The following FBLN1 variants were observed in gnomAD, a reference collection of about 807,000 sequenced individuals.
The protein encoded by FBLN1 is fibulin-1.
Under a neutral mutation model 89.7 loss-of-function variants are expected in FBLN1, and 34 were observed. The ratio of observed to expected loss-of-function variants is 0.38; its 90% CI spans 0.29 to 0.50. The LOEUF is 0.50. Ranked by LOEUF, FBLN1 falls within the 20% of genes least tolerant of loss-of-function variation. The pLI is 0.92. For synonymous variants in FBLN1, 393 were observed against 391.3 expected (o/e 1.00, Z -0.05); for missense variants, 777 against 988.1 (o/e 0.79, Z 2.86).
chr22:45,564,969 G>A (rs779703998), intron 14 of FBLN1: 1 of 1,614,098 alleles, frequency 6.2e-7, no homozygotes, highest in South Asian at 1.1e-5. Flanking sequence ...GCAGGGGTTG[G>A]AGGATACCCA....
chr22:45,596,897 T>C (rs1055701312), intron 16 of FBLN1, among the ~76,000 whole-genome samples: 9 of 148,504 alleles, frequency 6.1e-5, no homozygotes, highest in Non-Finnish European at 1.3e-4. Flanking sequence ...TATATAAATT[T>C]GACATACTTT....
At chr22:45,507,047 G>C (rs1231386027) in intron 1 of FBLN1, among the ~76,000 whole-genome samples, 1 of 152,180 alleles carries the variant, frequency 6.6e-6, no homozygotes, top group African/African-American at 2.4e-5. Context: ...CAGGGTGGGA[G>C]GGGGGAACCA....
At chr22:45,540,548 G>A (rs2088542103) in intron 8 of FBLN1, among the ~76,000 whole-genome samples, 1 of 152,174 alleles carries the variant, frequency 6.6e-6, no homozygotes, top group Non-Finnish European at 1.5e-5. Flanking sequence ...GTTCTCCAAG[G>A]TGATGTTTAG....
chr22:45,505,006 G>A (rs958243391), intron 1 of FBLN1, among the ~76,000 whole-genome samples: 7 of 152,334 alleles, frequency 4.6e-5, no homozygotes, highest in South Asian at 4.1e-4. Context: ...AAGTGGCACC[G>A]CCCCTGCTCT....
At chr22:45,539,019 CTCTTT>C (rs1351232755) in intron 8 of FBLN1, among the ~76,000 whole-genome samples, 1 of 151,824 alleles carries the variant, frequency 6.6e-6, no homozygotes, top group Non-Finnish European at 1.5e-5. Context: ...GTTTTCTTTG[CTCTTT>C]TCTTCAAATT....
intron 12 of FBLN1, 61 bp downstream of exon 12, chr22:45,547,265 G>A: frequency 6.2e-7 from 1 of 1,604,198 alleles, no homozygotes; most frequent in Non-Finnish European, 8.5e-7. Context: ...TGACACAGCA[G>A]CACGGCCTCT....
In FBLN1 at chr22:45,590,491, G is replaced by C. The variant is rs1189932973; in HGVS notation, c.1973-9816G>C. 6.6e-6 allele frequency among the ~76,000 whole-genome samples: 1 copy of C among 152,194 alleles called. No individual in the cohort carries two copies. The highest frequency in any genetic ancestry group is 1.5e-5 in the Non-Finnish European group (1 of 68,038). On this transcript the variant is annotated intron_variant, in intron 16 of 16. Transcript: ENST00000327858. The surrounding 1 kb of genome is among the most constrained non-coding windows in gnomAD (Gnocchi z 4.1). ...GATGCGTCTCACCTGCTGTGAGCCCGGGTGGGGGTAGGGTGAGAAGAGCCC... is the reference window on the plus strand; with the variant it reads ...GATGCGTCTCACCTGCTGTGAGCCCCGGTGGGGGTAGGGTGAGAAGAGCCC...
In FBLN1 at chr22:45,575,129, C is replaced by T. The variant is rs1319476831; in HGVS notation, c.1840+476C>T. ...TGTGTCTGTGTCCCCCCCACACCCA[C>T]CTGGCACAGCAGCATTTGGCCCATT... is the stretch of plus-strand genomic sequence containing the variant. On this transcript the variant is annotated intron_variant, in intron 15 of 16. Transcript: ENST00000327858. This position sits in a 1 kb window ranked among gnomAD's most constrained non-coding sequence, Gnocchi z 6.3. Among the ~76,000 whole-genome samples the T allele has an allele frequency of 6.6e-6, 1 of 152,154 alleles. No individual in the cohort carries two copies. Among genetic ancestry groups the T allele is most frequent in the East Asian group, 1.9e-4 (1 of 5,186 alleles).
At chr22:45,599,841 C>T (rs577960813) in intron 16 of FBLN1, among the ~76,000 whole-genome samples, 16 of 152,226 alleles carry the variant, frequency 1.1e-4, no homozygotes, top group Non-Finnish European at 1.9e-4. Flanking sequence ...GGCTTGAACC[C>T]GGGAGGTGGA....
At chr22:45,585,606 C>T (rs1226526944) in intron 16 of FBLN1, among the ~76,000 whole-genome samples, 3 of 152,190 alleles carry the variant, frequency 2.0e-5, no homozygotes, top group Non-Finnish European at 2.9e-5. Flanking sequence ...CCTGTCACCC[C>T]GGGGGCCACA....
intron 14 of FBLN1, among the ~76,000 whole-genome samples, chr22:45,568,547 C>T (rs73173333): frequency 0.53 from 49,251 of 93,580 alleles, 15,610 homozygotes; most frequent in Middle Eastern, 0.65. Flanking sequence ...GGGGAATGCT[C>T]CTTCTGTAGG....
intron 1 of FBLN1, among the ~76,000 whole-genome samples, chr22:45,511,803 G>C (rs939779758): frequency 1.3e-5 from 2 of 152,180 alleles, no homozygotes; most frequent in African/African-American, 4.8e-5. Flanking sequence ...CTTAGTAAGG[G>C]AGGGAGCTGG....
intron 16 of FBLN1, among the ~76,000 whole-genome samples, chr22:45,596,030 C>T (rs915339671): frequency 1.1e-4 from 16 of 152,200 alleles, no homozygotes; most frequent in Middle Eastern, 3.4e-3. Context: ...CCACCACGCT[C>T]GGCTAATTTT....
At position 45,550,783 on chromosome 22, in the gene FBLN1, G is replaced by A. The variant is rs551145007; in HGVS notation, c.1697+168G>A. On this transcript the variant is annotated intron_variant, in intron 14 of 16. Transcript: ENST00000327858. The surrounding 1 kb of genome is among the most constrained non-coding windows in gnomAD (Gnocchi z 8.4). ...GGCCCTCAAGCCCCTAAATGCTAGT[G>A]ACACTGGTCTCGGAAAGTCAAGGGG... 7 of 964,654 alleles carry A rather than the reference G, an allele frequency of 7.3e-6. No individual in the cohort carries two copies. The African/African-American group carries it at 9.6e-5, about 13-fold the overall frequency. 59.8% of individuals were successfully genotyped at this position (964,654 alleles called of 1,614,324 possible).
Position 45,562,934 on chromosome 22 carries a change from C to A in FBLN1, c.1698-11577C>A. The A allele has an allele frequency of 6.2e-7, 1 of 1,614,102 alleles. No individual in the cohort carries two copies. The highest frequency in any genetic ancestry group is 8.5e-7 in the Non-Finnish European group (1 of 1,180,024). On this transcript the variant is annotated intron_variant, in intron 14 of 16. Transcript: ENST00000327858. This position sits in a 1 kb window ranked among gnomAD's most constrained non-coding sequence, Gnocchi z 7.8. Reference sequence around the variant, plus strand: ...CAGCCGCTGTGAGCGCTTGCCTTGCCATGAGAATCGGGAGTGCTCCAAGCT... The same window carrying A: ...CAGCCGCTGTGAGCGCTTGCCTTGCAATGAGAATCGGGAGTGCTCCAAGCT...
intron 14 of FBLN1, among the ~76,000 whole-genome samples, chr22:45,569,740 T>A (rs1203376463): frequency 6.6e-6 from 1 of 151,926 alleles, no homozygotes; most frequent in Non-Finnish European, 1.5e-5. Flanking sequence ...CAGGGAGAAG[T>A]CAGACTTCTA....
At chr22:45,565,149 C>T (rs776448202) in intron 14 of FBLN1, 2 of 1,575,184 alleles carry the variant, frequency 1.3e-6, no homozygotes, top group East Asian at 2.3e-5. Flanking sequence ...CTCGAGTCTC[C>T]CATGTTGTAG....
rs997958025 is a variant in FBLN1, at chr22:45,503,289, C to T, written c.79+225C>T. 8 of 296,028 alleles carry T rather than the reference C, an allele frequency of 2.7e-5. 1 individual carries two copies. The South Asian group carries it at 6.5e-4, about 24-fold the overall frequency. The allele number at this position is 296,028 out of a possible 1,614,324, so 18.3% of individuals were successfully genotyped here. A position where few individuals can be genotyped will look rare whatever the true frequency, so the allele number is the denominator to read the frequency against. On this transcript the variant is annotated intron_variant, in intron 1 of 16. Transcript: ENST00000327858. The stretch of plus-strand genomic sequence containing the variant: ...GGACTTGTTTCAAAACCGGATTCCC[C>T]CACCCCTCAAACACACCGTCCTACC...
chr22:45,561,094 C>G lies in FBLN1; in HGVS notation c.1697+10479C>G, dbSNP rs2088845854. 6.6e-6 allele frequency among the ~76,000 whole-genome samples: 1 copy of G among 152,234 alleles called. No homozygotes were observed. The highest frequency in any genetic ancestry group is 1.9e-4 in the East Asian group (1 of 5,204). On this transcript the variant is annotated intron_variant, in intron 14 of 16. Coordinates refer to ENST00000327858, the MANE Select transcript of FBLN1 (RefSeq NM_006486.3). The surrounding 1 kb of genome is among the most constrained non-coding windows in gnomAD (Gnocchi z 4.7). The stretch of plus-strand genomic sequence containing the variant: ...CCCCAGCTTCATCAGGCTCCTCCCA[C>G]ATGTCCCCATTCCAAGTTGCAGGGT...
Sources: allele counts gnomAD v4.1 joint callset (sites outside exome capture counted in the v4.1 genomes callset), GRCh38; gene constraint gnomAD v4.1.1; non-coding constraint Gnocchi (gnomAD v3.1); transcripts MANE v1.5; gene names NCBI Gene and HGNC (gene_info 2026-07-23, HGNC 2026-07-21).